Variants in RXRG observed in about 807,000 individuals in gnomAD.
RXRG encodes retinoid X receptor gamma.
RXRG carries 19 observed loss-of-function variants against 49.2 expected under a neutral mutation model. The ratio of observed to expected loss-of-function variants is 0.39; its 90% CI spans 0.27 to 0.57. The LOEUF (loss-of-function observed/expected upper bound fraction) is 0.57. Ranked by LOEUF, RXRG falls within the 20% of genes least tolerant of loss-of-function variation. The pLI, the probability that RXRG is intolerant of heterozygous loss-of-function variation, is 0.64. For missense variants in RXRG, 452 were observed against 592.5 expected (o/e 0.76, Z 2.46); for synonymous variants, 224 against 216.6 (o/e 1.03, Z -0.30).
At position 165,428,920 on chromosome 1, in the gene RXRG, G is replaced by C. The variant is rs1319390548; in HGVS notation, c.96C>G (p.Ala32=). The C allele has an allele frequency of 6.2e-7, 1 of 1,613,792 alleles. No homozygotes were observed. The highest frequency in any genetic ancestry group is 8.5e-7 in the Non-Finnish European group (1 of 1,179,952). The change falls in exon 2 of 10, where the codon GCC becomes GCG. Residue 32 remains alanine (A), a synonymous_variant. Transcript: ENST00000359842. Reference sequence around the variant, plus strand: ...TGTCCATTGGCTTCCCTGTGGACAAGGCTGCTGATGGGCTCATGGATGTAG... The same window carrying C: ...TGTCCATTGGCTTCCCTGTGGACAACGCTGCTGATGGGCTCATGGATGTAG... ...TGSTSMSPSA[A]LSTGKPMDSH...
At chr1:165,410,330 G>A (rs905179506) in intron 6 of RXRG, among the ~76,000 whole-genome samples, 1 of 152,168 alleles carries the variant, frequency 6.6e-6, no homozygotes, top group Admixed American at 6.5e-5. Context: ...GAAGACAGTG[G>A]AACCCGTCTA....
chr1:165,431,323 C>G (rs1322584204), intron 1 of RXRG, among the ~76,000 whole-genome samples: 8 of 152,222 alleles, frequency 5.3e-5, no homozygotes, highest in Non-Finnish European at 8.8e-5. Flanking sequence ...CGCTCAAGAA[C>G]TGAAAGCCAA....
intron 1 of RXRG, among the ~76,000 whole-genome samples, chr1:165,432,403 T>C (rs1459875377): frequency 6.6e-6 from 1 of 152,234 alleles, no homozygotes; most frequent in Non-Finnish European, 1.5e-5. Flanking sequence ...ATTTTAGTTC[T>C]TTGCCTCTCA....
intron 2 of RXRG, among the ~76,000 whole-genome samples, chr1:165,420,427 C>T (rs1394992738): frequency 2.6e-5 from 4 of 152,180 alleles, no homozygotes; most frequent in African/African-American, 4.8e-5. Context: ...AGGCTAAAGA[C>T]TTACACTCTA....
At position 165,417,124 on chromosome 1, in the gene RXRG, T is replaced by G. The variant is rs1571273556; in HGVS notation, c.539A>C (p.Asp180Ala). Residue 180 changes from aspartate (D) to alanine (A), a missense_variant, in exon 4 of 10, where the codon GAC becomes GCC. Around this residue, in one of 2 missense-constraint regions of RXRG, gnomAD observed 286 missense variants for 440.9 expected, o/e 0.65. Transcript: ENST00000359842. ...DLIYTCRDNK[D>A]CLIDKRQRNR... is the part of the protein sequence containing the mutation. ...GCGCTGACGCTTGTCAATGAGGCAGTCTTTATTATCCCGACACGTGTAGAT... is the reference window on the plus strand; with the variant it reads ...GCGCTGACGCTTGTCAATGAGGCAGGCTTTATTATCCCGACACGTGTAGAT... The G allele has an allele frequency of 6.2e-7, 1 of 1,614,186 alleles. No homozygotes were observed. Among genetic ancestry groups the G allele is most frequent in the Non-Finnish European group, 8.5e-7 (1 of 1,180,006 alleles).
chr1:165,407,968 C>T (rs1657810425), intron 8 of RXRG, among the ~76,000 whole-genome samples: 2 of 152,092 alleles, frequency 1.3e-5, no homozygotes, highest in Admixed American at 1.3e-4. Flanking sequence ...AGAATGTGAT[C>T]GCTTTTTACC....
chr1:165,405,048 C>T lies in RXRG; in HGVS notation c.1244+1764G>A, dbSNP rs548978262. Among the ~76,000 whole-genome samples, 7 of 152,216 alleles carry T rather than the reference C, an allele frequency of 4.6e-5. No individual in the cohort carries two copies. In the South Asian group the frequency reaches 1.0e-3, roughly 23 times the overall value. On this transcript the variant is annotated intron_variant, in intron 9 of 9. Transcript: ENST00000359842. The stretch of plus-strand genomic sequence containing the variant: ...TGCTGGGATTACAGACATGAGCCAC[C>T]GCATATTTTTAAAAAATATTTTTAT...
At chr1:165,419,830 T>C in intron 3 of RXRG, 40 bp downstream of exon 3, 1 of 1,529,516 alleles carries the variant, frequency 6.5e-7, no homozygotes, top group African/African-American at 1.4e-5. Context: ...CAGCCCCTTC[T>C]CTGTGGCACT....
chr1:165,430,899 A>G (rs1226844619), intron 1 of RXRG, among the ~76,000 whole-genome samples: 1 of 152,144 alleles, frequency 6.6e-6, no homozygotes, highest in Non-Finnish European at 1.5e-5. Context: ...CTCTTATTCA[A>G]CCTTCAAGGT....
intron 2 of RXRG, chr1:165,425,007 G>A: frequency 1.0e-6 from 1 of 971,514 alleles, no homozygotes; most frequent in Admixed American, 6.1e-5. Flanking sequence ...CACTTGGCAA[G>A]CTTAATATAG....
In RXRG at chr1:165,414,403, T is replaced by G. The variant is rs184315293; in HGVS notation, c.622+2638A>C. On this transcript the variant is annotated intron_variant, in intron 4 of 9. Coordinates refer to ENST00000359842, the MANE Select transcript of RXRG (RefSeq NM_006917.5). ...ATTTAACGAACCACAGTTCCCAACA[T>G]TTGGCCTATTGACCACTCTGTCCCT... Among the ~76,000 whole-genome samples, 602 of 152,296 alleles carry G rather than the reference T, an allele frequency of 4.0e-3. 8 individuals are homozygous for G. Among genetic ancestry groups the G allele is most frequent in the African/African-American group, 0.014 (585 of 41,552 alleles).
At chr1:165,436,150 C>G (rs1299350845) in intron 1 of RXRG, among the ~76,000 whole-genome samples, 5 of 152,184 alleles carry the variant, frequency 3.3e-5, no homozygotes, top group Admixed American at 2.6e-4. Flanking sequence ...GAAGGGCCTG[C>G]AGATCATCGA....
At chr1:165,434,969 T>G (rs553436720) in intron 1 of RXRG, among the ~76,000 whole-genome samples, 1 of 152,298 alleles carries the variant, frequency 6.6e-6, no homozygotes, top group East Asian at 1.9e-4. Context: ...ATAACTAATA[T>G]TTACTGAGCA....
chr1:165,441,540 G>A (rs2101750385), intron 1 of RXRG, among the ~76,000 whole-genome samples: 1 of 152,326 alleles, frequency 6.6e-6, no homozygotes. Flanking sequence ...GTCTCTAAAA[G>A]GAGTACGAGA....
intron 9 of RXRG, among the ~76,000 whole-genome samples, chr1:165,405,958 C>A (rs1161071442): frequency 6.6e-6 from 1 of 152,204 alleles, no homozygotes; most frequent in Non-Finnish European, 1.5e-5. Flanking sequence ...GGAATGGAAA[C>A]CATTAGTGAG....
At chr1:165,414,830 G>C (rs567921437) in intron 4 of RXRG, among the ~76,000 whole-genome samples, 1 of 152,204 alleles carries the variant, frequency 6.6e-6, no homozygotes, top group African/African-American at 2.4e-5. Context: ...TAAGCACAGA[G>C]TAGGCACTCA....
intron 8 of RXRG, among the ~76,000 whole-genome samples, chr1:165,408,006 C>T (rs1204677791): frequency 6.6e-6 from 1 of 152,172 alleles, no homozygotes; most frequent in Non-Finnish European, 1.5e-5. Context: ...CCTGGGCCAC[C>T]GTCATCTTTC....
chr1:165,407,181 C>T (rs528694429), intron 8 of RXRG, among the ~76,000 whole-genome samples: 7 of 152,238 alleles, frequency 4.6e-5, no homozygotes, highest in East Asian at 3.9e-4. Flanking sequence ...TAATTTTATC[C>T]GGACCATTCT....
intron 4 of RXRG, among the ~76,000 whole-genome samples, chr1:165,411,717 G>A (rs1306276792): frequency 1.3e-5 from 2 of 152,282 alleles, no homozygotes; most frequent in South Asian, 2.1e-4. Flanking sequence ...CATTTTGGAG[G>A]TTGGGGAGGG....
Sources: allele counts gnomAD v4.1 joint callset (sites outside exome capture counted in the v4.1 genomes callset), GRCh38; gene constraint gnomAD v4.1.1; regional missense constraint gnomAD v4.1.1; transcripts MANE v1.5; gene names NCBI Gene and HGNC (gene_info 2026-07-23, HGNC 2026-07-21).